ASTN2: variants seen among roughly 807,000 people sequenced by gnomAD.
ASTN2 encodes astrotactin 2, also known as astrotactin-2.
ASTN2 carries 54 observed loss-of-function variants against 139.8 expected under a neutral mutation model. The ratio of observed to expected loss-of-function variants is 0.39; its 90% CI spans 0.31 to 0.48. The LOEUF (loss-of-function observed/expected upper bound fraction) is 0.48. Ranked by LOEUF, ASTN2 falls within the 20% of genes least tolerant of loss-of-function variation. The probability of loss-of-function intolerance (pLI) is 0.95; values close to 1 mark genes in which losing one functional copy is unlikely to be tolerated. For synonymous variants in ASTN2, 756 were observed against 719.5 expected (o/e 1.05, Z -0.81); for missense variants, 1,565 against 1,725.1 (o/e 0.91, Z 1.64).
intron 16 of ASTN2, chr9:116,686,861 G>A: frequency 1.9e-6 from 3 of 1,546,664 alleles, no homozygotes; most frequent in Non-Finnish European, 2.6e-6. Flanking sequence ...TGAGGCCAAA[G>A]CACTGCCCTT....
chr9:117,016,421 C>T (rs1045781743), intron 6 of ASTN2, among the ~76,000 whole-genome samples: 17 of 151,390 alleles, frequency 1.1e-4, no homozygotes, highest in African/African-American at 3.9e-4. Context: ...AATCAAGAAC[C>T]GTCCTGGTGG....
intron 10 of ASTN2, among the ~76,000 whole-genome samples, chr9:116,894,856 C>T (rs1315778260): frequency 6.6e-6 from 1 of 152,156 alleles, no homozygotes; most frequent in African/African-American, 2.4e-5. Context: ...TTCCTGACAC[C>T]CAAACCTCTG....
chr9:117,234,736 C>T (rs1832992968), intron 2 of ASTN2, among the ~76,000 whole-genome samples: 1 of 152,136 alleles, frequency 6.6e-6, no homozygotes, highest in African/African-American at 2.4e-5. Context: ...AAGGGAATGT[C>T]AAGGCTGAGA....
chr9:117,119,822 T>C (rs554156082), intron 4 of ASTN2, among the ~76,000 whole-genome samples: 7 of 151,816 alleles, frequency 4.6e-5, no homozygotes, highest in South Asian at 2.1e-4. Flanking sequence ...CTGAATTTCA[T>C]AGGAAGATGG....
intron 1 of ASTN2, among the ~76,000 whole-genome samples, chr9:117,377,711 T>G (rs1181292699): frequency 2.3e-5 from 1 of 44,048 alleles, no homozygotes; most frequent in African/African-American, 7.1e-5. Context: ...ATAACATAAA[T>G]GTCCATCAAT....
At chr9:116,616,295 G>A (rs1002031578) in intron 19 of ASTN2, among the ~76,000 whole-genome samples, 1 of 152,180 alleles carries the variant, frequency 6.6e-6, no homozygotes, top group Non-Finnish European at 1.5e-5. Context: ...ATATAGAAGA[G>A]GTACTCCAAG....
At chr9:117,135,976 G>A (rs1247524193) in intron 4 of ASTN2, among the ~76,000 whole-genome samples, 2 of 152,242 alleles carry the variant, frequency 1.3e-5, no homozygotes, top group Non-Finnish European at 1.5e-5. Context: ...GGCTAGGAGG[G>A]AGCCTTGTGT....
At chr9:116,760,838 A>T (rs1815502615) in intron 13 of ASTN2, among the ~76,000 whole-genome samples, 1 of 151,870 alleles carries the variant, frequency 6.6e-6, no homozygotes, top group South Asian at 2.1e-4. Flanking sequence ...CGCCGCAGCT[A>T]ACAAGATAAT....
chr9:117,078,859 C>G (rs1457409399), intron 5 of ASTN2, among the ~76,000 whole-genome samples: 1 of 152,184 alleles, frequency 6.6e-6, no homozygotes, highest in Non-Finnish European at 1.5e-5. Context: ...CCTCGGCCTC[C>G]CAAGTAGCTG....
intron 13 of ASTN2, among the ~76,000 whole-genome samples, chr9:116,790,313 A>G (rs915050661): frequency 1.3e-5 from 2 of 152,118 alleles, no homozygotes; most frequent in Non-Finnish European, 2.9e-5. Flanking sequence ...TCATGGTGAG[A>G]AAACTGAGGC....
At chr9:117,314,924 T>C (rs1411988316) in intron 1 of ASTN2, among the ~76,000 whole-genome samples, 1 of 143,018 alleles carries the variant, frequency 7.0e-6, no homozygotes, top group Non-Finnish European at 1.5e-5. Context: ...AAATCTAGCA[T>C]GATATATTAA....
At chr9:117,173,947 C>T (rs1004322184) in intron 3 of ASTN2, among the ~76,000 whole-genome samples, 5 of 148,858 alleles carry the variant, frequency 3.4e-5, no homozygotes, top group Middle Eastern at 3.5e-3. Context: ...CTCTCCTTTA[C>T]TCTTACTAAA....
chr9:116,426,088 C>T lies in ASTN2; in HGVS notation c.3783G>A (p.Arg1261=). 6.2e-7 allele frequency: 1 copy of T among 1,612,560 alleles called. No individual in the cohort carries two copies. Among genetic ancestry groups the T allele is most frequent in the South Asian group, 1.1e-5 (1 of 91,064 alleles). The change falls in exon 23 of 23, where the codon AGG becomes AGA. Residue 1261 remains arginine, a splice_region_variant and synonymous_variant. Coordinates refer to ENST00000313400, the MANE Select transcript of ASTN2 (RefSeq NM_001365068.1). ...GTCGCCGTAGAATCAGGTGGGCCTT[C>T]CTGAAAGGTAGGATGAGACAGCCAT... ...VWRSEDELGP[R]KAHLILRRLE...
intron 13 of ASTN2, among the ~76,000 whole-genome samples, chr9:116,794,010 G>A (rs995282521): frequency 4.0e-5 from 6 of 151,450 alleles, no homozygotes; most frequent in Admixed American, 6.6e-5. Context: ...GAAGAAGAAA[G>A]AATGGTTTTG....
intron 4 of ASTN2, among the ~76,000 whole-genome samples, chr9:117,128,078 C>A (rs892010240): frequency 5.3e-5 from 8 of 152,236 alleles, no homozygotes; most frequent in Middle Eastern, 3.4e-3. Flanking sequence ...AAGCTGTCTT[C>A]TTGCACTGAG....
intron 3 of ASTN2, among the ~76,000 whole-genome samples, chr9:117,170,074 A>C (rs550118047): frequency 6.6e-6 from 1 of 152,146 alleles, no homozygotes; most frequent in African/African-American, 2.4e-5. Flanking sequence ...GGGGAAGGTC[A>C]TTGTGAGGAC....
At chr9:117,119,834 G>A (rs555929896) in intron 4 of ASTN2, among the ~76,000 whole-genome samples, 7 of 151,706 alleles carry the variant, frequency 4.6e-5, no homozygotes, top group African/African-American at 1.7e-4. Flanking sequence ...GGAAGATGGG[G>A]TTTGACTTTA....
intron 2 of ASTN2, 92 bp downstream of exon 2, chr9:117,291,234 C>G: frequency 6.8e-7 from 1 of 1,479,966 alleles, no homozygotes; most frequent in Non-Finnish European, 9.1e-7. Flanking sequence ...TTCTTTCCTT[C>G]CATCTGTGGA....
At chr9:116,657,778 T>A (rs1190187028) in intron 16 of ASTN2, among the ~76,000 whole-genome samples, 1 of 146,970 alleles carries the variant, frequency 6.8e-6, no homozygotes, top group East Asian at 2.3e-4. Flanking sequence ...GAGGTGGAGG[T>A]TGCAGTGAAC....
Sources: gnomAD v4.1 joint callset for allele counts (sites outside exome capture counted in the v4.1 genomes callset) on GRCh38, gnomAD v4.1.1 for gene constraint, MANE v1.5 for transcripts, NCBI Gene and HGNC (gene_info 2026-07-23, HGNC 2026-07-21) for gene names.